AFF3: variants seen among roughly 807,000 people sequenced by gnomAD.
AFF3 encodes AF4/FMR2 family member 3.
A neutral mutation model predicts 129.7 loss-of-function variants in AFF3; 32 were observed. That is an observed-to-expected ratio of 0.25 (90% CI 0.19 to 0.33). The LOEUF (loss-of-function observed/expected upper bound fraction) is 0.33. Ranked by LOEUF, AFF3 falls within the 10% of genes least tolerant of loss-of-function variation. The pLI, the probability that AFF3 is intolerant of heterozygous loss-of-function variation, is 1.00. For synonymous variants in AFF3, 644 were observed against 635.4 expected, an observed-to-expected ratio of 1.01 and a Z score of -0.20; for missense variants, 1,373 against 1,592.0, an observed-to-expected ratio of 0.86 and a Z score of 2.34.
chr2:99,627,261 T>C (rs1682678514), intron 13 of AFF3, among the ~76,000 whole-genome samples: 1 of 152,166 alleles, frequency 6.6e-6, no homozygotes, highest in Non-Finnish European at 1.5e-5. Flanking sequence ...TTTTAAATAA[T>C]AGCCATTCTG....
In AFF3 at chr2:99,672,631, T is replaced by C. The variant is rs188527650; in HGVS notation, c.1092-42A>G. On this transcript the variant is annotated intron_variant, in intron 11 of 24. Coordinates refer to ENST00000672756, the MANE Select transcript of AFF3 (RefSeq NM_001386135.1). The stretch of plus-strand genomic sequence containing the variant: ...AGAGGTACAAAGAGGTACAGATAGT[T>C]AGTGGATTCAGAATAATTCAGCACC... 131 of 1,589,242 alleles carry C rather than the reference T, an allele frequency of 8.2e-5. No homozygotes were observed. The African/African-American group carries it at 1.6e-3, about 19-fold the overall frequency.
chr2:99,778,893 T>C lies in AFF3; in HGVS notation c.922-26592A>G, dbSNP rs1319633235. 1.7e-3 allele frequency among the ~76,000 whole-genome samples: 61 copies of C among 35,854 alleles called. No individual in the cohort carries two copies. In the East Asian group the frequency reaches 0.039, roughly 23 times the overall value. 23.5% of individuals were successfully genotyped at this position (35,854 alleles called of 152,430 possible). On this transcript the variant is annotated intron_variant, in intron 8 of 24. Transcript: ENST00000672756. ...TTTTGTGTGTGTGTGTGTGTGTGTG[T>C]GCGCGTGTGTGTGTGTGTGTGTGTG... is the stretch of plus-strand genomic sequence containing the variant.
rs137859955 is a variant in AFF3, at chr2:99,680,425, C to T, written c.1092-7836G>A. On this transcript the variant is annotated intron_variant, in intron 11 of 24. Transcript: ENST00000672756. ...TGTGTGAAAGAACATGATCCTTTCC[C>T]GGGCAGACAGCAGAGGACAGGTCAG... Among the ~76,000 whole-genome samples the T allele has an allele frequency of 1.1e-4, 16 of 152,196 alleles. No homozygotes were observed. In the East Asian group the frequency reaches 2.1e-3, roughly 20 times the overall value.
intron 12 of AFF3, among the ~76,000 whole-genome samples, chr2:99,653,577 G>T (rs1340923177): frequency 6.6e-6 from 1 of 152,200 alleles, no homozygotes; most frequent in Non-Finnish European, 1.5e-5. Flanking sequence ...CGCCAATGGA[G>T]TGCCTAGGAA....
Position 100,050,293 on chromosome 2 carries a change from T to C in AFF3, c.54-41361A>G, listed in dbSNP as rs114504247. Among the ~76,000 whole-genome samples the C allele has an allele frequency of 7.4e-3, 1,120 of 152,236 alleles. 18 individuals carry two copies. The highest frequency in any genetic ancestry group is 0.026 in the African/African-American group (1,068 of 41,546). ...ATTCCCATGAAGCACATTCTTCACA[T>C]TGTCACATAAACATTCTTATGTTTT... On this transcript the variant is annotated intron_variant, in intron 4 of 24. Coordinates refer to ENST00000672756, the MANE Select transcript of AFF3 (RefSeq NM_001386135.1).
chr2:99,623,976 G>T (rs1473756520), intron 13 of AFF3, among the ~76,000 whole-genome samples: 1 of 152,206 alleles, frequency 6.6e-6, no homozygotes, highest in Non-Finnish European at 1.5e-5. Context: ...AGTTATTAAG[G>T]ATTTCAATAT....
At chr2:100,019,392 C>G (rs533291996) in intron 4 of AFF3, among the ~76,000 whole-genome samples, 1 of 152,226 alleles carries the variant, frequency 6.6e-6, no homozygotes, top group African/African-American at 2.4e-5. Flanking sequence ...TAAATGGAAC[C>G]GACTTTTCAA....
intron 7 of AFF3, among the ~76,000 whole-genome samples, chr2:99,904,261 G>A (rs567676893): frequency 1.2e-4 from 18 of 152,096 alleles, no homozygotes; most frequent in Non-Finnish European, 2.1e-4. Context: ...CAGGGTCCAC[G>A]CCCCTGGAGA....
intron 11 of AFF3, chr2:99,707,027 A>G: frequency 1.1e-6 from 1 of 891,276 alleles, no homozygotes; most frequent in Non-Finnish European, 1.3e-6. Context: ...CAAGCCTCAA[A>G]GGCCATATTC....
At chr2:99,832,435 C>T (rs763906111) in intron 8 of AFF3, among the ~76,000 whole-genome samples, 12 of 152,192 alleles carry the variant, frequency 7.9e-5, no homozygotes, top group Admixed American at 7.2e-4. Context: ...AAAATGAACA[C>T]CTCCAGAGTC....
intron 4 of AFF3, among the ~76,000 whole-genome samples, chr2:100,074,574 A>G (rs1267516390): frequency 6.6e-6 from 1 of 152,240 alleles, no homozygotes; most frequent in Non-Finnish European, 1.5e-5. Flanking sequence ...TAGTTTCTTT[A>G]AAAAGGTCAA....
intron 7 of AFF3, among the ~76,000 whole-genome samples, chr2:99,860,815 T>C (rs1002171883): frequency 3.3e-5 from 5 of 152,320 alleles, no homozygotes; most frequent in African/African-American, 9.6e-5. Context: ...GTATATATTG[T>C]GTAAAGATGA....
At chr2:99,966,288 A>T (rs1323603529) in intron 7 of AFF3, among the ~76,000 whole-genome samples, 1 of 152,172 alleles carries the variant, frequency 6.6e-6, no homozygotes, top group East Asian at 1.9e-4. Flanking sequence ...ATGGCCAAAG[A>T]TTACAATTTA....
intron 13 of AFF3, among the ~76,000 whole-genome samples, chr2:99,648,907 A>ACTCTCTCTCT (rs1464965146): frequency 2.0e-4 from 8 of 39,306 alleles, no homozygotes; most frequent in African/African-American, 3.4e-4. Context: ...ACACACACAC[A>ACTCTCTCTCT]CACACACACA....
chr2:100,047,936 T>C (rs1419816288), intron 4 of AFF3, among the ~76,000 whole-genome samples: 2 of 152,218 alleles, frequency 1.3e-5, no homozygotes, highest in East Asian at 1.9e-4. Flanking sequence ...TAATATTTTA[T>C]CATGTCCTGG....
chr2:99,638,765 G>A (rs779385083), intron 13 of AFF3, among the ~76,000 whole-genome samples: 2 of 152,152 alleles, frequency 1.3e-5, no homozygotes, highest in Middle Eastern at 3.2e-3. Flanking sequence ...ACCCCCCACC[G>A]CCTGTTTTTC....
chr2:99,976,436 A>G (rs1678896440), intron 7 of AFF3, among the ~76,000 whole-genome samples: 2 of 152,226 alleles, frequency 1.3e-5, no homozygotes, highest in African/African-American at 2.4e-5. Flanking sequence ...TGCTCCTAGG[A>G]AAAAGGTTCG....
intron 13 of AFF3, among the ~76,000 whole-genome samples, chr2:99,623,461 G>A (rs1288305996): frequency 6.6e-6 from 1 of 152,138 alleles, no homozygotes; most frequent in Admixed American, 6.5e-5. Flanking sequence ...CTGGAGGCTC[G>A]CCCTGCAATT....
intron 7 of AFF3, among the ~76,000 whole-genome samples, chr2:99,913,307 G>C (rs1441566277): frequency 1.3e-5 from 2 of 152,148 alleles, no homozygotes; most frequent in African/African-American, 2.4e-5. Context: ...AAATAAGTAA[G>C]TATACTGTGG....
Sources: gnomAD v4.1 joint callset for allele counts (sites outside exome capture counted in the v4.1 genomes callset) on GRCh38, gnomAD v4.1.1 for gene constraint, MANE v1.5 for transcripts, NCBI Gene and HGNC (gene_info 2026-07-23, HGNC 2026-07-21) for gene names.